Variants in FOXJ3 observed in about 807,000 individuals in gnomAD.
FOXJ3 encodes the protein forkhead box J3.
Under a neutral mutation model 76.1 loss-of-function variants are expected in FOXJ3, and 22 were observed. The observed-to-expected ratio is 0.29, with a 90% CI of 0.21 to 0.41. The LOEUF is 0.41. Among genes scored for constraint, FOXJ3 ranks in the 10% least tolerant of loss-of-function variants. FOXJ3 has a pLI of 1.00. For synonymous variants in FOXJ3, 269 were observed against 261.2 expected, an observed-to-expected ratio of 1.03 and a Z score of -0.29; for missense variants, 613 against 762.1, an observed-to-expected ratio of 0.80 and a Z score of 2.30.
At chr1:42,229,981 G>A (rs540192500) in intron 4 of FOXJ3, among the ~76,000 whole-genome samples, 3 of 152,106 alleles carry the variant, frequency 2.0e-5, no homozygotes, top group Admixed American at 2.0e-4. Flanking sequence ...ACCCTGATTT[G>A]TTAGTAAACC....
intron 4 of FOXJ3, among the ~76,000 whole-genome samples, chr1:42,236,917 T>C (rs9658811): frequency 0.011 from 1,725 of 152,350 alleles, 38 homozygotes; most frequent in African/African-American, 0.04. Context: ...TGTACATCTT[T>C]GCATGTACTT....
At chr1:42,184,477 T>C (rs1166497450) in intron 11 of FOXJ3, among the ~76,000 whole-genome samples, 1 of 152,130 alleles carries the variant, frequency 6.6e-6, no homozygotes, top group Non-Finnish European at 1.5e-5. Context: ...TCTCATTTTT[T>C]CCCATATTCT....
At chr1:42,191,854 A>T in intron 8 of FOXJ3, 135 bp from the exon 9 acceptor site, 1 of 849,598 alleles carries the variant, frequency 1.2e-6, no homozygotes, top group Non-Finnish European at 1.8e-6. Context: ...TGTTAATCCA[A>T]CATCCACTGC....
chr1:42,182,375 G>A (rs924545330), intron 11 of FOXJ3, among the ~76,000 whole-genome samples: 1 of 152,192 alleles, frequency 6.6e-6, no homozygotes, highest in African/African-American at 2.4e-5. Context: ...CCAAAGGAGG[G>A]TAAGACAGGG....
chr1:42,334,720 G>A (rs934461668), intron 1 of FOXJ3, among the ~76,000 whole-genome samples: 1 of 151,982 alleles, frequency 6.6e-6, no homozygotes, highest in Non-Finnish European at 1.5e-5. Context: ...GGAGACGGTC[G>A]CTGCCCTCGG....
At chr1:42,321,989 C>T (rs1387880818) in intron 1 of FOXJ3, among the ~76,000 whole-genome samples, 1 of 152,050 alleles carries the variant, frequency 6.6e-6, no homozygotes, top group African/African-American at 2.4e-5. Flanking sequence ...ATCGAATTAA[C>T]TTGTTATCTC....
At chr1:42,291,079 T>TAGAC (rs56772390) in intron 2 of FOXJ3, among the ~76,000 whole-genome samples, 3,882 of 125,418 alleles carry the variant, frequency 0.031, 90 homozygotes, top group Admixed American at 0.05. Flanking sequence ...GATAGATAGA[T>TAGAC]AGATAGACAG....
intron 3 of FOXJ3, among the ~76,000 whole-genome samples, chr1:42,273,323 C>T (rs997627879): frequency 1.4e-4 from 21 of 152,186 alleles, no homozygotes; most frequent in African/African-American, 4.3e-4. Flanking sequence ...GCCTAGCATA[C>T]TGCTTCACAA....
At chr1:42,197,013 G>A (rs928677546) in intron 7 of FOXJ3, among the ~76,000 whole-genome samples, 17 of 152,142 alleles carry the variant, frequency 1.1e-4, no homozygotes, top group South Asian at 2.1e-4. Flanking sequence ...TCTTGATCAC[G>A]GGTAAGTAAT....
In FOXJ3 at chr1:42,243,723, ACT is replaced by A. The variant is rs1280682860; in HGVS notation, c.445-15759_445-15758del. On this transcript the variant is annotated intron_variant, in intron 4 of 12. Coordinates refer to ENST00000361346, the MANE Select transcript of FOXJ3 (RefSeq NM_014947.5). ...ATCAATTCACCAAGAAGATACAAAA[ACT>A]CTAAATATATATGCATCCAACACTG... Among the ~76,000 whole-genome samples, 17 of 152,338 alleles carry A rather than the reference ACT, an allele frequency of 1.1e-4. No individual in the cohort carries two copies. In the East Asian group the frequency reaches 2.9e-3, roughly 26 times the overall value.
intron 4 of FOXJ3, among the ~76,000 whole-genome samples, chr1:42,237,688 T>A (rs72674534): frequency 6.6e-5 from 10 of 152,004 alleles, no homozygotes; most frequent in African/African-American, 9.6e-5. Flanking sequence ...TCTTTTTTTT[T>A]AAATTTGCCT....
At chr1:42,312,520 T>A (rs569906578) in intron 1 of FOXJ3, among the ~76,000 whole-genome samples, 1 of 152,346 alleles carries the variant, frequency 6.6e-6, no homozygotes, top group South Asian at 2.1e-4. Flanking sequence ...TCTTCCAGAA[T>A]GACAGGGTGG....
chr1:42,276,828 CA>C (rs1327981879), intron 3 of FOXJ3, among the ~76,000 whole-genome samples: 1 of 152,172 alleles, frequency 6.6e-6, no homozygotes, highest in Non-Finnish European at 1.5e-5. Context: ...ATGTTATGCA[CA>C]AAAGGCCATA....
intron 4 of FOXJ3, among the ~76,000 whole-genome samples, chr1:42,248,617 G>A (rs1464970110): frequency 6.7e-6 from 1 of 150,152 alleles, no homozygotes; most frequent in African/African-American, 2.4e-5. Flanking sequence ...AAGAGAAAAA[G>A]GAATCAACAG....
intron 7 of FOXJ3, among the ~76,000 whole-genome samples, chr1:42,197,302 C>CGA (rs1482071808): frequency 6.6e-6 from 1 of 151,744 alleles, no homozygotes; most frequent in East Asian, 1.9e-4. Flanking sequence ...GCCAGGAGTT[C>CGA]GAGACCAGTT....
At chr1:42,218,112 T>C (rs368224371) in intron 5 of FOXJ3, among the ~76,000 whole-genome samples, 6 of 152,316 alleles carry the variant, frequency 3.9e-5, no homozygotes, top group Admixed American at 6.5e-5. Flanking sequence ...GGCATGTAGA[T>C]TGCAATTCTT....
chr1:42,265,921 A>C (rs3768270), intron 3 of FOXJ3, among the ~76,000 whole-genome samples: 18 of 151,518 alleles, frequency 1.2e-4, no homozygotes, highest in African/African-American at 4.4e-4. Flanking sequence ...GTCTGTGAAA[A>C]AGAAATTTGT....
At chr1:42,206,060 G>T in intron 5 of FOXJ3, 197 bp from the exon 6 acceptor site, 1 of 511,720 alleles carries the variant, frequency 2.0e-6, no homozygotes, top group Non-Finnish European at 3.4e-6. Context: ...CCTTTGGTAT[G>T]GCTACTCTCT....
chr1:42,279,856 C>T (rs1351542024), intron 2 of FOXJ3, among the ~76,000 whole-genome samples: 1 of 151,724 alleles, frequency 6.6e-6, no homozygotes, highest in African/African-American at 2.4e-5. Flanking sequence ...CAAAAGAAAA[C>T]ATTTGTAGCT....
Sources: allele counts gnomAD v4.1 joint callset (sites outside exome capture counted in the v4.1 genomes callset), GRCh38; gene constraint gnomAD v4.1.1; transcripts MANE v1.5; gene names NCBI Gene and HGNC (gene_info 2026-07-23, HGNC 2026-07-21).